Variants in CADPS observed in about 807,000 individuals in gnomAD.
CADPS encodes the protein calcium dependent secretion activator.
A neutral mutation model predicts 167.3 loss-of-function variants in CADPS; 57 were observed. That is an observed-to-expected ratio of 0.34 (90% CI 0.28 to 0.42). The LOEUF is 0.42. CADPS is among the 20% of genes least tolerant of loss of function. The probability of loss-of-function intolerance (pLI) is 1.00; values close to 1 mark genes in which losing one functional copy is unlikely to be tolerated. For missense variants in CADPS, 1,414 were observed against 1,738.1 expected (o/e 0.81, Z 3.32); for synonymous variants, 676 against 635.3 (o/e 1.06, Z -0.96).
chr3:62,725,718 G>C (rs1033985234), intron 3 of CADPS, among the ~76,000 whole-genome samples: 3 of 151,910 alleles, frequency 2.0e-5, no homozygotes, highest in Non-Finnish European at 4.4e-5. Flanking sequence ...TCACAAGCAA[G>C]TCTGTACTAA....
chr3:62,597,187 A>C (rs372332567), intron 6 of CADPS, among the ~76,000 whole-genome samples: 1 of 152,212 alleles, frequency 6.6e-6, no homozygotes, highest in East Asian at 1.9e-4. Flanking sequence ...CAAAAAACAA[A>C]GTAAAATAAT....
chr3:62,741,460 T>G (rs1439825312), intron 3 of CADPS, among the ~76,000 whole-genome samples: 1 of 152,220 alleles, frequency 6.6e-6, no homozygotes, highest in Admixed American at 6.5e-5. Context: ...GATGCAAGTT[T>G]GGTTCAACAT....
At chr3:62,669,315 G>C (rs536689659) in intron 3 of CADPS, among the ~76,000 whole-genome samples, 1 of 152,240 alleles carries the variant, frequency 6.6e-6, no homozygotes, top group East Asian at 1.9e-4. Context: ...ACAGCCCCAT[G>C]TTTTTTTATC....
At chr3:62,626,641 G>GAAGGC in intron 6 of CADPS, 2 of 691,410 alleles carry the variant, frequency 2.9e-6, no homozygotes, top group Middle Eastern at 4.7e-4. Flanking sequence ...GTTGTACAAA[G>GAAGGC]AAGGCAATTT....
intron 17 of CADPS, among the ~76,000 whole-genome samples, chr3:62,506,894 C>T (rs373784108): frequency 3.3e-5 from 5 of 152,122 alleles, no homozygotes; most frequent in African/African-American, 1.2e-4. Context: ...TATTTGTGGC[C>T]ATATTGCTTC....
At chr3:62,447,444 A>T (rs1315184535) in intron 26 of CADPS, among the ~76,000 whole-genome samples, 2 of 151,676 alleles carry the variant, frequency 1.3e-5, no homozygotes, top group Non-Finnish European at 2.9e-5. Flanking sequence ...TTCAGCCGAA[A>T]TTTTTTTTTG....
chr3:62,851,688 C>T lies in CADPS; in HGVS notation c.441+22901G>A, dbSNP rs1344131527. Reference sequence around the variant, plus strand: ...TCCCTTTGAGGGTAACCCGACCTTTCTCTCTGGCTGCCCTTAACATTTTTT... The same window carrying T: ...TCCCTTTGAGGGTAACCCGACCTTTTTCTCTGGCTGCCCTTAACATTTTTT... On this transcript the variant is annotated intron_variant, in intron 1 of 29. Coordinates refer to ENST00000383710, the MANE Select transcript of CADPS (RefSeq NM_003716.4). Among the ~76,000 whole-genome samples, 3 of 146,050 alleles carry T rather than the reference C, an allele frequency of 2.1e-5. No individual in the cohort carries two copies. The South Asian group carries it at 7.1e-4, about 34-fold the overall frequency.
intron 9 of CADPS, among the ~76,000 whole-genome samples, chr3:62,561,078 C>CAAAAA (rs34584073): frequency 4.8e-5 from 4 of 83,554 alleles, no homozygotes; most frequent in Non-Finnish European, 6.3e-5. Context: ...AACTCCATCT[C>CAAAAA]AAAAAAAAAA....
intron 2 of CADPS, among the ~76,000 whole-genome samples, chr3:62,756,448 A>C (rs1469244798): frequency 6.6e-6 from 1 of 152,170 alleles, no homozygotes; most frequent in African/African-American, 2.4e-5. Flanking sequence ...AATGATTATA[A>C]ACTTTTCCAT....
intron 3 of CADPS, among the ~76,000 whole-genome samples, chr3:62,737,274 T>C (rs1306487643): frequency 6.6e-6 from 1 of 151,758 alleles, no homozygotes; most frequent in Non-Finnish European, 1.5e-5. Flanking sequence ...CATAGTGCCA[T>C]CCACTGTCTA....
At chr3:62,713,686 G>A (rs917710229) in intron 3 of CADPS, among the ~76,000 whole-genome samples, 1 of 152,096 alleles carries the variant, frequency 6.6e-6, no homozygotes, top group Non-Finnish European at 1.5e-5. Flanking sequence ...TTCTTTTCTG[G>A]GTGAAGCCAA....
chr3:62,584,478 T>C (rs183768456), intron 8 of CADPS, among the ~76,000 whole-genome samples: 97 of 152,334 alleles, frequency 6.4e-4, no homozygotes, highest in Non-Finnish European at 1.3e-3. Context: ...TCCCTTCTAC[T>C]AAACTTTCCC....
At chr3:62,700,143 A>C (rs971057822) in intron 3 of CADPS, among the ~76,000 whole-genome samples, 2 of 152,106 alleles carry the variant, frequency 1.3e-5, no homozygotes, top group African/African-American at 2.4e-5. Context: ...TGGCTTTCAA[A>C]CTTTTTAGGC....
chr3:62,775,926 C>T (rs879563233), intron 1 of CADPS, among the ~76,000 whole-genome samples: 3 of 151,970 alleles, frequency 2.0e-5, no homozygotes, highest in Non-Finnish European at 2.9e-5. Flanking sequence ...AGTACATGGC[C>T]ATGACAGATA....
At chr3:62,862,104 G>T (rs2080907288) in intron 1 of CADPS, among the ~76,000 whole-genome samples, 1 of 151,040 alleles carries the variant, frequency 6.6e-6, no homozygotes, top group African/African-American at 2.4e-5. Flanking sequence ...TCAAAATGTA[G>T]GAATAAACAT....
At position 62,694,452 on chromosome 3, in the gene CADPS, C is replaced by A. The variant is rs573419186; in HGVS notation, c.889-32058G>T. Among the ~76,000 whole-genome samples, 23 of 152,144 alleles carry A rather than the reference C, an allele frequency of 1.5e-4. No individual in the cohort carries two copies. In the South Asian group the frequency reaches 2.9e-3, roughly 19 times the overall value. On this transcript the variant is annotated intron_variant, in intron 3 of 29. Transcript: ENST00000383710. ...ACAGTTAGGCAAACCCAGAGACCAA[C>A]ACTGAGTCCTTAATATGGCACCATA...
intron 5 of CADPS, among the ~76,000 whole-genome samples, chr3:62,649,811 C>CAGG (rs934943305): frequency 3.3e-5 from 5 of 151,956 alleles, no homozygotes; most frequent in African/African-American, 1.2e-4. Context: ...CTCAGCCTCT[C>CAGG]AAAGTCCTGG....
intron 23 of CADPS, among the ~76,000 whole-genome samples, chr3:62,475,639 C>G (rs1281054344): frequency 1.2e-5 from 1 of 83,840 alleles, no homozygotes; most frequent in East Asian, 3.4e-4. Context: ...ACCCTTAAAA[C>G]ACCCCTATAT....
rs185662018 is a variant in CADPS, at chr3:62,414,693, G to A, written c.3778-11508C>T. Among the ~76,000 whole-genome samples, 13 of 152,316 alleles carry A rather than the reference G, an allele frequency of 8.5e-5. No homozygotes were observed. In the East Asian group the frequency reaches 2.5e-3, roughly 29 times the overall value. On this transcript the variant is annotated intron_variant, in intron 28 of 29. Coordinates refer to ENST00000383710, the MANE Select transcript of CADPS (RefSeq NM_003716.4). Reference sequence around the variant, plus strand: ...ATTTCTGCAAGTGGGAATTTTGCAGGAGGCTTAATTCCCTTCTCATCTCAG... The same window carrying A: ...ATTTCTGCAAGTGGGAATTTTGCAGAAGGCTTAATTCCCTTCTCATCTCAG...
Sources: allele counts gnomAD v4.1 joint callset (sites outside exome capture counted in the v4.1 genomes callset), GRCh38; gene constraint gnomAD v4.1.1; transcripts MANE v1.5; gene names NCBI Gene and HGNC (gene_info 2026-07-23, HGNC 2026-07-21).